Variants in DIP2A observed in about 807,000 individuals in gnomAD.
DIP2A encodes disco-interacting protein 2 homolog A.
A neutral mutation model predicts 177.4 loss-of-function variants in DIP2A; 85 were observed. The observed-to-expected ratio is 0.48, with a 90% CI of 0.40 to 0.57. DIP2A has a LOEUF of 0.57. DIP2A is among the 20% of genes least tolerant of loss of function. DIP2A has a pLI of 0.00. For missense variants in DIP2A, 1,791 were observed against 2,100.2 expected, an observed-to-expected ratio of 0.85 and a Z score of 2.88; for synonymous variants, 886 against 881.8, an observed-to-expected ratio of 1.00 and a Z score of -0.08.
chr21:46,545,430 C>G (rs575056753), intron 19 of DIP2A, among the ~76,000 whole-genome samples, 157 bp downstream of exon 19: 10 of 152,316 alleles, frequency 6.6e-5, no homozygotes, highest in African/African-American at 1.9e-4. Context: ...CTGCACACCC[C>G]TGTGTGTCCT....
chr21:46,543,357 G>A (rs369196926), intron 18 of DIP2A, among the ~76,000 whole-genome samples: 7 of 152,206 alleles, frequency 4.6e-5, no homozygotes, highest in East Asian at 1.9e-4. Context: ...AGTTGTGCGC[G>A]TTTTATTTGT....
chr21:46,563,167 A>T lies in DIP2A; in HGVS notation c.4090-691A>T, dbSNP rs1281367841. On this transcript the variant is annotated intron_variant, in intron 34 of 37. Transcript: ENST00000417564. The surrounding 1 kb of genome is among the most constrained non-coding windows in gnomAD (Gnocchi z 4.3). ...ACAGAACAGTCCCACTCCGCCGGGG[A>T]GGGTCTGGCGGTAACCGTAGCTCAC... Among the ~76,000 whole-genome samples the T allele has an allele frequency of 6.6e-6, 1 of 151,998 alleles. No individual in the cohort carries two copies. The highest frequency in any genetic ancestry group is 2.4e-5 in the African/African-American group (1 of 41,366).
intron 22 of DIP2A, 90 bp from the exon 23 acceptor site, chr21:46,550,453 G>T: frequency 1.6e-6 from 2 of 1,282,460 alleles, no homozygotes; most frequent in East Asian, 2.5e-5. Flanking sequence ...CTGGGGAACA[G>T]GTCCACAGAG....
At chr21:46,545,360 C>T (rs2059986764) in intron 19 of DIP2A, 87 bp downstream of exon 19, 2 of 1,471,252 alleles carry the variant, frequency 1.4e-6, no homozygotes, top group African/African-American at 2.8e-5. Flanking sequence ...TGGGGGATTG[C>T]AGAGGCTGCG....
At chr21:46,459,623 C>T (rs563484408) in intron 1 of DIP2A, among the ~76,000 whole-genome samples, 4 of 149,798 alleles carry the variant, frequency 2.7e-5, no homozygotes, top group South Asian at 2.1e-4. Flanking sequence ...CCCGCGCTGC[C>T]CCTCCGGACT....
At chr21:46,532,278 G>A in intron 10 of DIP2A, 41 bp downstream of exon 10, 1 of 1,522,142 alleles carries the variant, frequency 6.6e-7, no homozygotes, top group South Asian at 1.1e-5. Flanking sequence ...GTTCGCTTCT[G>A]AACTTGATAC....
At chr21:46,529,012 G>A in intron 8 of DIP2A, 80 bp from the exon 9 acceptor site, 1 of 800,596 alleles carries the variant, frequency 1.2e-6, no homozygotes, top group Non-Finnish European at 1.9e-6. Flanking sequence ...TATATTTCGG[G>A]GTATTTTGGT....
chr21:46,538,126 C>G (rs2059650037), intron 15 of DIP2A, among the ~76,000 whole-genome samples: 1 of 152,078 alleles, frequency 6.6e-6, no homozygotes, highest in South Asian at 2.1e-4. Context: ...TGTTTAGCTT[C>G]TGGGGTCCTC....
chr21:46,483,835 C>G (rs2056514248), intron 1 of DIP2A, among the ~76,000 whole-genome samples: 1 of 152,200 alleles, frequency 6.6e-6, no homozygotes, highest in South Asian at 2.1e-4. Context: ...CATGTTCACC[C>G]AGAGGACAAG....
intron 1 of DIP2A, among the ~76,000 whole-genome samples, chr21:46,464,991 G>A (rs999335129): frequency 1.3e-5 from 2 of 151,860 alleles, no homozygotes; most frequent in Admixed American, 6.6e-5. Context: ...ACCAATATTT[G>A]TTGTTTCAGG....
Position 46,569,317 on chromosome 21 carries a change from G to C in DIP2A, c.*1695G>C, listed in dbSNP as rs543603684. 1 of 152,254 alleles carries C rather than the reference G, an allele frequency of 6.6e-6. No homozygotes were observed. Among genetic ancestry groups the C allele is most frequent in the African/African-American group, 2.4e-5 (1 of 41,530 alleles). The allele number at this position is 152,254 out of a possible 1,614,324, so 9.4% of individuals were successfully genotyped here. A position where few individuals can be genotyped will look rare whatever the true frequency, so the allele number is the denominator to read the frequency against. On this transcript the variant is annotated 3_prime_UTR_variant, in exon 38 of 38. Coordinates refer to ENST00000417564, the MANE Select transcript of DIP2A (RefSeq NM_015151.4). The stretch of plus-strand genomic sequence containing the variant: ...AAATAGCACTGTGCATAGTAGCCCT[G>C]TTTCCCCATGGTGTTGGACTGTGGT...
intron 32 of DIP2A, chr21:46,559,065 C>A (rs1030450598): frequency 7.2e-6 from 1 of 139,686 alleles, no homozygotes; most frequent in African/African-American, 2.7e-5. Flanking sequence ...CCACTGCACT[C>A]CAGCCTGGGT....
Position 46,554,161 on chromosome 21 carries a change from T to C in DIP2A, c.3031-8T>C, listed in dbSNP as rs1460125020. On this transcript the variant is annotated splice_region_variant and splice_polypyrimidine_tract_variant and intron_variant, in intron 25 of 37. Coordinates refer to ENST00000417564, the MANE Select transcript of DIP2A (RefSeq NM_015151.4). ...GCATACAGATGAGCTCAAAGATCGCTTTCCTAGGGCACCGTCACAAGCACT... is the reference window on the plus strand; with the variant it reads ...GCATACAGATGAGCTCAAAGATCGCCTTCCTAGGGCACCGTCACAAGCACT... 6.2e-7 allele frequency: 1 copy of C among 1,609,884 alleles called. No homozygotes were observed.
intron 7 of DIP2A, among the ~76,000 whole-genome samples, chr21:46,510,847 A>G (rs1418801938): frequency 1.3e-5 from 2 of 151,946 alleles, no homozygotes; most frequent in African/African-American, 2.4e-5. Flanking sequence ...GTTAACCAGG[A>G]TGGTCTCGAT....
intron 1 of DIP2A, among the ~76,000 whole-genome samples, chr21:46,473,467 AGGG>A (rs36017287): frequency 8.5e-4 from 100 of 118,032 alleles, no homozygotes; most frequent in Non-Finnish European, 1.2e-3. Context: ...GGAAAAAAAA[AGGG>A]GGGGGGGCCA....
intron 21 of DIP2A, among the ~76,000 whole-genome samples, chr21:46,548,390 C>T (rs1052910447): frequency 6.6e-6 from 1 of 152,116 alleles, no homozygotes; most frequent in Non-Finnish European, 1.5e-5. Flanking sequence ...CTGATGGTGA[C>T]TGCGTCTGCA....
chr21:46,477,365 A>C (rs1335252098), intron 1 of DIP2A, among the ~76,000 whole-genome samples: 3 of 151,338 alleles, frequency 2.0e-5, no homozygotes, highest in Non-Finnish European at 4.4e-5. Flanking sequence ...TGTCTCTACT[A>C]AAAATACAAA....
chr21:46,477,573 C>CTTTT (rs1357462907), intron 1 of DIP2A, among the ~76,000 whole-genome samples: 1 of 77,826 alleles, frequency 1.3e-5, no homozygotes, highest in Non-Finnish European at 2.4e-5. Flanking sequence ...GTGTGTATTT[C>CTTTT]TTTTTTTTTT....
At chr21:46,508,712 G>C (rs1179107929) in intron 6 of DIP2A, among the ~76,000 whole-genome samples, 1 of 151,848 alleles carries the variant, frequency 6.6e-6, no homozygotes, top group Non-Finnish European at 1.5e-5. Flanking sequence ...ATGCCCCAGG[G>C]GTCCCTGGAC....
Sources: gnomAD v4.1 joint callset for allele counts (sites outside exome capture counted in the v4.1 genomes callset) on GRCh38, gnomAD v4.1.1 for gene constraint, Gnocchi (gnomAD v3.1) non-coding constraint, MANE v1.5 for transcripts, NCBI Gene and HGNC (gene_info 2026-07-23, HGNC 2026-07-21) for gene names.